Variants in AFAP1L1 observed in about 807,000 individuals in gnomAD.
AFAP1L1 encodes actin filament associated protein 1 like 1.
In AFAP1L1, 77 loss-of-function variants were observed where a neutral mutation model predicts 99.8. The observed-to-expected ratio is 0.77, with a 90% CI of 0.64 to 0.93. The LOEUF (loss-of-function observed/expected upper bound fraction) is 0.93, where lower values mean the gene tolerates loss of function less well. AFAP1L1 is among the 40% of genes least tolerant of loss of function. AFAP1L1 has a pLI of 0.00. For missense variants in AFAP1L1, 893 were observed against 996.8 expected (o/e 0.90, Z 1.40); for synonymous variants, 373 against 395.3 (o/e 0.94, Z 0.67).
chr5:149,284,054 A>T (rs1266631698), intron 1 of AFAP1L1, among the ~76,000 whole-genome samples: 2 of 152,276 alleles, frequency 1.3e-5, no homozygotes, highest in Non-Finnish European at 2.9e-5. Flanking sequence ...CCTAGCCAGG[A>T]GCCCTGTAGA....
At chr5:149,296,763 C>G (rs1403808038) in intron 1 of AFAP1L1, among the ~76,000 whole-genome samples, 1 of 152,100 alleles carries the variant, frequency 6.6e-6, no homozygotes, top group Non-Finnish European at 1.5e-5. Context: ...CTAATAAAGA[C>G]TAATAAATAA....
intron 15 of AFAP1L1, among the ~76,000 whole-genome samples, chr5:149,329,026 G>A (rs1345385520): frequency 6.6e-6 from 1 of 152,078 alleles, no homozygotes; most frequent in African/African-American, 2.4e-5. Context: ...ATGCCTGACT[G>A]TAGTCCAAAG....
chr5:149,318,438 C>T lies in AFAP1L1; in HGVS notation c.1479+498C>T, dbSNP rs180727404. Among the ~76,000 whole-genome samples, 202 of 152,312 alleles carry T rather than the reference C, an allele frequency of 1.3e-3. 1 individual carries two copies. The highest frequency in any genetic ancestry group is 4.7e-3 in the African/African-American group (196 of 41,568). ...TGGTGGAGGAGAAGGTCCACTGCCC[C>T]TCCCATTGAGCAATTCAAATTTTAG... On this transcript the variant is annotated intron_variant, in intron 12 of 18. Transcript: ENST00000296721.
chr5:149,331,469 C>T (rs1245793684), intron 16 of AFAP1L1, among the ~76,000 whole-genome samples: 1 of 151,852 alleles, frequency 6.6e-6, no homozygotes, highest in Non-Finnish European at 1.5e-5. Context: ...AAATACAAAA[C>T]ATTAGCCGGG....
intron 1 of AFAP1L1, among the ~76,000 whole-genome samples, chr5:149,274,630 A>G (rs187293314): frequency 2.2e-4 from 34 of 152,296 alleles, no homozygotes; most frequent in African/African-American, 7.7e-4. Context: ...CATAACCCCA[A>G]CACTTTGGGA....
intron 17 of AFAP1L1, among the ~76,000 whole-genome samples, chr5:149,334,209 C>T (rs1757339545): frequency 6.6e-6 from 1 of 152,212 alleles, no homozygotes; most frequent in Non-Finnish European, 1.5e-5. Flanking sequence ...TCACACCACA[C>T]CTGATTGAGC....
intron 18 of AFAP1L1, among the ~76,000 whole-genome samples, chr5:149,337,689 G>A (rs781711545): frequency 6.6e-6 from 1 of 152,186 alleles, no homozygotes; most frequent in Non-Finnish European, 1.5e-5. Flanking sequence ...CCAGTGAAAG[G>A]AGACAGATAA....
intron 5 of AFAP1L1, 127 bp downstream of exon 5, chr5:149,302,653 C>A: frequency 1.2e-6 from 1 of 856,364 alleles, no homozygotes; most frequent in South Asian, 1.8e-5. Context: ...TCACCATTGG[C>A]TTAGGAGAAG....
At chr5:149,297,642 T>G (rs1756058634) in intron 1 of AFAP1L1, among the ~76,000 whole-genome samples, 1 of 152,160 alleles carries the variant, frequency 6.6e-6, no homozygotes, top group Non-Finnish European at 1.5e-5. Flanking sequence ...GCATCATGTT[T>G]TCCTAACAAG....
chr5:149,285,765 G>A (rs1233114988), intron 1 of AFAP1L1, among the ~76,000 whole-genome samples: 2 of 152,162 alleles, frequency 1.3e-5, no homozygotes, highest in Non-Finnish European at 2.9e-5. Flanking sequence ...CAAGGCCCCA[G>A]CTCCCCAGGT....
At chr5:149,316,456 C>A (rs754429009) in intron 11 of AFAP1L1, among the ~76,000 whole-genome samples, 153 bp downstream of exon 11, 1 of 152,160 alleles carries the variant, frequency 6.6e-6, no homozygotes, top group Non-Finnish European at 1.5e-5. Flanking sequence ...ACTCCATTAA[C>A]ACTCTAGGCC....
Position 149,273,666 on chromosome 5 carries a change from G to A in AFAP1L1, c.16+1682G>A, listed in dbSNP as rs189736018. Among the ~76,000 whole-genome samples the A allele has an allele frequency of 3.3e-5, 5 of 152,168 alleles. No individual in the cohort carries two copies. In the East Asian group the frequency reaches 9.7e-4, roughly 30 times the overall value. Reference sequence around the variant, plus strand: ...AGGCAAGTGTGAAGAGTGTACATCAGGGAGGAAAAACAGAGAGAAGAGGCA... The same window carrying A: ...AGGCAAGTGTGAAGAGTGTACATCAAGGAGGAAAAACAGAGAGAAGAGGCA... On this transcript the variant is annotated intron_variant, in intron 1 of 18. Transcript: ENST00000296721.
At position 149,299,629 on chromosome 5, in the gene AFAP1L1, C is replaced by CCCTT. The variant is rs752467897; in HGVS notation, c.140_143dup (p.Ala49SerfsTer27). ...GCCTCCATCCTGCAGAGCCTGCAGC[C>CCCTT]CCTTCCAGGTTAGCCGCCAGCAGCC... is the stretch of plus-strand genomic sequence containing the variant. On this transcript the variant is annotated frameshift_variant, in exon 2 of 19. Coordinates refer to ENST00000296721, the MANE Select transcript of AFAP1L1 (RefSeq NM_152406.4). LOFTEE classifies it high-confidence loss of function. 1.2e-6 allele frequency: 2 copies of CCCTT among 1,614,168 alleles called. No homozygotes were observed. Among genetic ancestry groups the CCCTT allele is most frequent in the Non-Finnish European group, 1.7e-6 (2 of 1,180,008 alleles).
intron 1 of AFAP1L1, among the ~76,000 whole-genome samples, chr5:149,292,607 G>A (rs1182896637): frequency 6.6e-6 from 1 of 152,180 alleles, no homozygotes; most frequent in African/African-American, 2.4e-5. Flanking sequence ...TTGGGTTTCT[G>A]AGCCTCTGTC....
intron 7 of AFAP1L1, among the ~76,000 whole-genome samples, chr5:149,309,558 T>A (rs538198655): frequency 1.5e-4 from 23 of 152,354 alleles, no homozygotes; most frequent in Non-Finnish European, 2.6e-4. Context: ...GAATCATTAT[T>A]CGTAAACTAT....
chr5:149,303,875 G>A (rs187204709), intron 5 of AFAP1L1, among the ~76,000 whole-genome samples: 1 of 152,124 alleles, frequency 6.6e-6, no homozygotes, highest in South Asian at 2.1e-4. Context: ...TAAAATACAC[G>A]TAAGATTAAC....
intron 12 of AFAP1L1, among the ~76,000 whole-genome samples, chr5:149,318,754 C>T (rs536954154): frequency 6.6e-6 from 1 of 152,306 alleles, no homozygotes; most frequent in Admixed American, 6.5e-5. Context: ...AAAATGTTAA[C>T]ACTACAGGAA....
chr5:149,306,212 G>A, intron 5 of AFAP1L1, 94 bp from the exon 6 acceptor site: 1 of 1,051,160 alleles, frequency 9.5e-7, no homozygotes, highest in Non-Finnish European at 1.4e-6. Context: ...TCTCTTCCCT[G>A]AGGTGGAGCA....
intron 5 of AFAP1L1, 35 bp downstream of exon 5, chr5:149,302,561 TC>T: frequency 6.5e-7 from 1 of 1,530,858 alleles, no homozygotes; most frequent in Non-Finnish European, 8.9e-7. Context: ...GCTGGGGACT[TC>T]CTGTCCCTGA....
Sources: allele counts gnomAD v4.1 joint callset (sites outside exome capture counted in the v4.1 genomes callset), GRCh38; gene constraint gnomAD v4.1.1; transcripts MANE v1.5; gene names NCBI Gene and HGNC (gene_info 2026-07-23, HGNC 2026-07-21).